The following DENR variants were observed in gnomAD, a reference collection of about 807,000 sequenced individuals.
The protein encoded by DENR is density regulated re-initiation and release factor, also known as density-regulated protein.
Under a neutral mutation model 30.6 loss-of-function variants are expected in DENR, and 6 were observed. The observed-to-expected ratio is 0.20, with a 90% CI of 0.11 to 0.39. The LOEUF is 0.39. Among genes scored for constraint, DENR ranks in the 10% least tolerant of loss-of-function variants. The pLI is 1.00. For synonymous variants in DENR, 78 were observed against 72.1 expected (o/e 1.08, Z -0.41); for missense variants, 141 against 230.9 (o/e 0.61, Z 2.52).
intron 2 of DENR, among the ~76,000 whole-genome samples, chr12:122,759,750 A>C (rs1419651456): frequency 6.6e-6 from 1 of 152,084 alleles, no homozygotes; most frequent in East Asian, 1.9e-4. Flanking sequence ...ATATTATTTG[A>C]AATAGTATAC....
At chr12:122,763,861 TTAAA>T (rs1878773679) in intron 4 of DENR, among the ~76,000 whole-genome samples, 1 of 152,128 alleles carries the variant, frequency 6.6e-6, no homozygotes, top group Admixed American at 6.6e-5. Flanking sequence ...GGGAGACAGA[TTAAA>T]TAAGCAAAAC....
chr12:122,755,170 G>A (rs1878514153), intron 2 of DENR, among the ~76,000 whole-genome samples: 1 of 152,218 alleles, frequency 6.6e-6, no homozygotes, highest in African/African-American at 2.4e-5. Flanking sequence ...TACCTGGAAC[G>A]AGGTGAACTG....
At chr12:122,762,822 T>A (rs760527816) in intron 3 of DENR, 23 bp from the exon 4 acceptor site, 4 of 1,444,178 alleles carry the variant, frequency 2.8e-6, no homozygotes. Context: ...TTGTTGTGAC[T>A]CAGTTCTTTT....
chr12:122,763,434 A>T (rs562338936), intron 4 of DENR, among the ~76,000 whole-genome samples: 21 of 150,640 alleles, frequency 1.4e-4, no homozygotes, highest in Non-Finnish European at 2.5e-4. Context: ...GGCTGGGCGC[A>T]GTGGTTCACG....
chr12:122,769,083 G>T lies in DENR; in HGVS notation c.*5G>T. 6.2e-7 allele frequency: 1 copy of T among 1,607,182 alleles called. No individual in the cohort carries two copies. Among genetic ancestry groups the T allele is most frequent in the Non-Finnish European group, 8.5e-7 (1 of 1,177,668 alleles). On this transcript the variant is annotated 3_prime_UTR_variant, in exon 8 of 8. Coordinates refer to ENST00000280557, the MANE Select transcript of DENR (RefSeq NM_003677.5). ...CTTGGAGAAGTAAAGAAGTGAATTT[G>T]AAAATTTGTCTGTATTTAATGGCCT...
Position 122,769,321 on chromosome 12 carries a change from T to G in DENR, c.*243T>G. The G allele has an allele frequency of 4.6e-6, 4 of 872,466 alleles. No individual in the cohort carries two copies. Among genetic ancestry groups the G allele is most frequent in the Non-Finnish European group, 5.5e-6 (4 of 725,444 alleles). The allele number at this position is 872,466 out of a possible 1,614,324, so 54.0% of individuals were successfully genotyped here. On this transcript the variant is annotated 3_prime_UTR_variant, in exon 8 of 8. Coordinates refer to ENST00000280557, the MANE Select transcript of DENR (RefSeq NM_003677.5). ...ATACATATATACACATATGTATACA[T>G]ATATATATATTCTACAGTAAAACTG...
chr12:122,755,556 G>T (rs1179191162), intron 2 of DENR, among the ~76,000 whole-genome samples: 1 of 152,148 alleles, frequency 6.6e-6, no homozygotes, highest in African/African-American at 2.4e-5. Context: ...TCCCACCCGG[G>T]CAACAGTGCG....
At chr12:122,761,425 G>A (rs560715834) in intron 2 of DENR, among the ~76,000 whole-genome samples, 35 of 151,658 alleles carry the variant, frequency 2.3e-4, no homozygotes, top group Admixed American at 8.5e-4. Context: ...AAAAAAAAAA[G>A]GAAAAATATA....
In DENR at chr12:122,769,246, GTATATA is replaced by G. The variant is rs549049409; in HGVS notation, c.*175_*180del. On this transcript the variant is annotated 3_prime_UTR_variant, in exon 8 of 8. Coordinates refer to ENST00000280557, the MANE Select transcript of DENR (RefSeq NM_003677.5). Reference sequence around the variant, plus strand: ...TATATACATGTGTGTATGTATACATGTATATATATATACATACACATATATGTATAC... The same window carrying G: ...TATATACATGTGTGTATGTATACATGTATATACATACACATATATGTATAC... 6.7e-5 allele frequency: 37 copies of G among 552,924 alleles called. 1 individual carries two copies. In the African/African-American group the frequency reaches 1.3e-3, roughly 19 times the overall value. The allele number at this position is 552,924 out of a possible 1,614,324, so 34.3% of individuals were successfully genotyped here.
In DENR at chr12:122,769,058, C is replaced by G. The variant is rs1878926450; in HGVS notation, c.577C>G (p.Leu193Val). ...PEVDDDSIED[L>V]GEVKK ...GGTAGATGATGACAGCATCGAAGAT[C>G]TTGGAGAAGTAAAGAAGTGAATTTG... The change falls in exon 8 of 8, where the codon CTT becomes GTT. Residue 193 changes from leucine (L) to valine (V), a missense_variant. Leu to Val is a conservative substitution (Grantham distance 32). This residue lies in a region of DENR where 37 missense variants were observed against 92.6 expected (regional missense o/e 0.40). Coordinates refer to ENST00000280557, the MANE Select transcript of DENR (RefSeq NM_003677.5). 6.2e-7 allele frequency: 1 copy of G among 1,609,768 alleles called. No homozygotes were observed. The highest frequency in any genetic ancestry group is 1.3e-5 in the African/African-American group (1 of 74,654).
In DENR at chr12:122,769,018, T is replaced by C. The variant is rs1312998680; in HGVS notation, c.553-16T>C. The C allele has an allele frequency of 1.2e-6, 2 of 1,609,600 alleles. No individual in the cohort carries two copies. Among genetic ancestry groups the C allele is most frequent in the Admixed American group, 1.7e-5 (1 of 59,224 alleles). ...GCAACCACAACTCATGAGATATAATTATTTGTGTTTTATAGGTAGATGATG... is the reference window on the plus strand; with the variant it reads ...GCAACCACAACTCATGAGATATAATCATTTGTGTTTTATAGGTAGATGATG... On this transcript the variant is annotated splice_polypyrimidine_tract_variant and intron_variant, in intron 7 of 7. Coordinates refer to ENST00000280557, the MANE Select transcript of DENR (RefSeq NM_003677.5).
In DENR at chr12:122,769,139, G is replaced by C; in HGVS notation, c.*61G>C. ...GAGAGTTGATATGGCCAAAGGGAGA[G>C]AGGCCTTTTAAAATATATATATATA... On this transcript the variant is annotated 3_prime_UTR_variant, in exon 8 of 8. Coordinates refer to ENST00000280557, the MANE Select transcript of DENR (RefSeq NM_003677.5). 2 of 1,522,796 alleles carry C rather than the reference G, an allele frequency of 1.3e-6. No individual in the cohort carries two copies. The highest frequency in any genetic ancestry group is 1.8e-6 in the Non-Finnish European group (2 of 1,138,170). 94.3% of individuals were successfully genotyped at this position (1,522,796 alleles called of 1,614,324 possible). A position where few individuals can be genotyped will look rare whatever the true frequency, so the allele number is the denominator to read the frequency against.
Position 122,770,473 on chromosome 12 carries a change from T to C in DENR, c.*1395T>C, listed in dbSNP as rs1879005374. On this transcript the variant is annotated 3_prime_UTR_variant, in exon 8 of 8. Coordinates refer to ENST00000280557, the MANE Select transcript of DENR (RefSeq NM_003677.5). ...CGTTCAGAGAGGCTAGAGGTTCTTATTCTGGCTATAAATTATGTGAGTAAA... is the reference window on the plus strand; with the variant it reads ...CGTTCAGAGAGGCTAGAGGTTCTTACTCTGGCTATAAATTATGTGAGTAAA... 2.5e-6 allele frequency: 1 copy of C among 396,792 alleles called. No individual in the cohort carries two copies. The highest frequency in any genetic ancestry group is 4.4e-6 in the Non-Finnish European group (1 of 225,462). The allele number at this position is 396,792 out of a possible 1,614,324, so 24.6% of individuals were successfully genotyped here. A position where few individuals can be genotyped will look rare whatever the true frequency, so the allele number is the denominator to read the frequency against.
intron 4 of DENR, among the ~76,000 whole-genome samples, chr12:122,764,540 C>A (rs1878795227): frequency 6.6e-6 from 1 of 152,148 alleles, no homozygotes; most frequent in Non-Finnish European, 1.5e-5. Context: ...GCAGAGCTTG[C>A]AGTGAGCCGA....
At chr12:122,763,615 C>T (rs1359884289) in intron 4 of DENR, among the ~76,000 whole-genome samples, 1 of 151,892 alleles carries the variant, frequency 6.6e-6, no homozygotes, top group East Asian at 1.9e-4. Flanking sequence ...GCAGAAGAAT[C>T]GCTTGAATCC....
chr12:122,753,992 C>T, intron 2 of DENR, 185 bp downstream of exon 2: 1 of 614,936 alleles, frequency 1.6e-6, no homozygotes, highest in Non-Finnish European at 2.9e-6. Context: ...TGATTTGTGT[C>T]TGGCTACTCT....
At position 122,769,259 on chromosome 12, in the gene DENR, C is replaced by CACATATATGTGTACATAT. The variant is rs1555252642; in HGVS notation, c.*182_*183insCATATATGTGTACATATA. ...GTATGTATACATGTATATATATATA[C>CACATATATGTGTACATAT]ATACACATATATGTATACATATATA... On this transcript the variant is annotated 3_prime_UTR_variant, in exon 8 of 8. Coordinates refer to ENST00000280557, the MANE Select transcript of DENR (RefSeq NM_003677.5). 1.5e-6 allele frequency: 1 copy of CACATATATGTGTACATAT among 647,834 alleles called. No individual in the cohort carries two copies. The highest frequency in any genetic ancestry group is 6.2e-5 in the Admixed American group (1 of 16,210). 40.1% of individuals were successfully genotyped at this position (647,834 alleles called of 1,614,324 possible).
chr12:122,761,607 C>T (rs1323909157), intron 2 of DENR, among the ~76,000 whole-genome samples: 1 of 152,106 alleles, frequency 6.6e-6, no homozygotes, highest in African/African-American at 2.4e-5. Context: ...ATCGCTTAAG[C>T]CCAGAAGTTT....
In DENR at chr12:122,770,242, T is replaced by C. The variant is rs1357673705; in HGVS notation, c.*1164T>C. On this transcript the variant is annotated 3_prime_UTR_variant, in exon 8 of 8. Coordinates refer to ENST00000280557, the MANE Select transcript of DENR (RefSeq NM_003677.5). The stretch of plus-strand genomic sequence containing the variant: ...GATGAAAGTATTCATCACAATATTA[T>C]TTATAATAAAAAATTGCAAATGTTA... 2 of 162,854 alleles carry C rather than the reference T, an allele frequency of 1.2e-5. No individual in the cohort carries two copies. The highest frequency in any genetic ancestry group is 2.4e-5 in the African/African-American group (1 of 41,996). The allele number at this position is 162,854 out of a possible 1,614,324, so 10.1% of individuals were successfully genotyped here.
Sources: gnomAD v4.1 joint callset for allele counts (sites outside exome capture counted in the v4.1 genomes callset) on GRCh38, gnomAD v4.1.1 for gene constraint, gnomAD v4.1.1 regional missense constraint, MANE v1.5 for transcripts, NCBI Gene and HGNC (gene_info 2026-07-23, HGNC 2026-07-21) for gene names.